The following DOK6 variants were observed in gnomAD, a reference collection of about 807,000 sequenced individuals.
The protein encoded by DOK6 is downstream of tyrosine kinase 6.
A neutral mutation model predicts 44.0 loss-of-function variants in DOK6; 22 were observed. The ratio of observed to expected loss-of-function variants is 0.50; its 90% CI spans 0.36 to 0.71. The LOEUF is 0.71. Ranked by LOEUF, DOK6 falls within the 30% of genes least tolerant of loss-of-function variation. The pLI, the probability that DOK6 is intolerant of heterozygous loss-of-function variation, is 0.00. For missense variants in DOK6, 340 were observed against 416.4 expected, an observed-to-expected ratio of 0.82 and a Z score of 1.60; for synonymous variants, 166 against 145.5, an observed-to-expected ratio of 1.14 and a Z score of -1.01.
At chr18:69,785,709 A>G (rs528818646) in intron 7 of DOK6, among the ~76,000 whole-genome samples, 5 of 152,114 alleles carry the variant, frequency 3.3e-5, no homozygotes, top group Non-Finnish European at 5.9e-5. Flanking sequence ...CTTTGTTGCC[A>G]TATTTCTGAT....
At chr18:69,534,751 T>C (rs1367534868) in intron 1 of DOK6, among the ~76,000 whole-genome samples, 1 of 152,156 alleles carries the variant, frequency 6.6e-6, no homozygotes, top group African/African-American at 2.4e-5. Context: ...AAACAACATA[T>C]TCTTAATTCC....
At chr18:69,421,164 G>C (rs1055881986) in intron 1 of DOK6, among the ~76,000 whole-genome samples, 1 of 152,140 alleles carries the variant, frequency 6.6e-6, no homozygotes, top group African/African-American at 2.4e-5. Context: ...GCAGCAGTAT[G>C]ATTCTGAAAT....
chr18:69,734,896 C>T (rs192668665), intron 5 of DOK6, among the ~76,000 whole-genome samples: 11 of 152,182 alleles, frequency 7.2e-5, no homozygotes, highest in African/African-American at 9.6e-5. Context: ...TTCAAAGTCA[C>T]GCCTTCATAG....
chr18:69,845,945 T>C lies in DOK6; in HGVS notation c.*4562T>C, dbSNP rs1982336137. On this transcript the variant is annotated 3_prime_UTR_variant, in exon 8 of 8. Coordinates refer to ENST00000382713, the MANE Select transcript of DOK6 (RefSeq NM_152721.6). ...AGCCAACCTCATTTGAATTTTATCA[T>C]GAACATAAATTATCGGTGAGACTGG... The C allele has an allele frequency of 6.6e-6, 1 of 152,216 alleles. No homozygotes were observed. The highest frequency in any genetic ancestry group is 6.5e-5 in the Admixed American group (1 of 15,280). 9.4% of individuals were successfully genotyped at this position (152,216 alleles called of 1,614,324 possible).
chr18:69,754,075 T>C (rs1268345069), intron 6 of DOK6, among the ~76,000 whole-genome samples: 1 of 152,218 alleles, frequency 6.6e-6, no homozygotes, highest in Non-Finnish European at 1.5e-5. Flanking sequence ...GCTTTTTCAA[T>C]GAAGGCATTA....
chr18:69,509,951 A>AT (rs972653353), intron 1 of DOK6, among the ~76,000 whole-genome samples: 10 of 152,122 alleles, frequency 6.6e-5, no homozygotes, highest in African/African-American at 2.4e-4. Context: ...TGACAGCTGC[A>AT]TTTTTTTGCT....
At chr18:69,617,562 A>G (rs1356910389) in intron 3 of DOK6, among the ~76,000 whole-genome samples, 1 of 123,944 alleles carries the variant, frequency 8.1e-6, no homozygotes, top group African/African-American at 2.8e-5. Flanking sequence ...ACTGAGTGAT[A>G]GGAGAAAAAG....
intron 6 of DOK6, among the ~76,000 whole-genome samples, chr18:69,751,451 T>G (rs1490997571): frequency 1.3e-5 from 2 of 152,180 alleles, no homozygotes; most frequent in African/African-American, 4.8e-5. Context: ...CATTTGAAAT[T>G]AACACTTTCA....
chr18:69,699,693 T>C (rs1185023405), intron 5 of DOK6, among the ~76,000 whole-genome samples: 1 of 152,134 alleles, frequency 6.6e-6, no homozygotes, highest in Non-Finnish European at 1.5e-5. Context: ...AAATACAAAT[T>C]CTAATAAGAA....
intron 3 of DOK6, among the ~76,000 whole-genome samples, chr18:69,665,774 T>C (rs1306367130): frequency 4.6e-5 from 7 of 152,146 alleles, no homozygotes; most frequent in Admixed American, 3.3e-4. Flanking sequence ...CTTGGTTCCA[T>C]GGGCCAGTAG....
intron 1 of DOK6, among the ~76,000 whole-genome samples, chr18:69,437,528 GGTACCA>G (rs1288199809): frequency 2.6e-5 from 4 of 151,926 alleles, no homozygotes; most frequent in Admixed American, 1.3e-4. Context: ...TATCTGTTTT[GGTACCA>G]GTACCAGTAC....
chr18:69,454,774 T>C (rs1438149447), intron 1 of DOK6, among the ~76,000 whole-genome samples: 1 of 142,100 alleles, frequency 7.0e-6, no homozygotes, highest in Non-Finnish European at 1.5e-5. Context: ...ATGGATGAAA[T>C]TGGAAATCAT....
intron 3 of DOK6, among the ~76,000 whole-genome samples, chr18:69,655,478 C>T (rs563699532): frequency 8.5e-5 from 13 of 152,050 alleles, no homozygotes; most frequent in Admixed American, 5.2e-4. Context: ...AAAGGTTGGG[C>T]GCGGTGGCTC....
At chr18:69,525,542 A>G (rs1227616155) in intron 1 of DOK6, among the ~76,000 whole-genome samples, 1 of 152,050 alleles carries the variant, frequency 6.6e-6, no homozygotes, top group African/African-American at 2.4e-5. Flanking sequence ...CTTAAATCCA[A>G]CATCTCCTTT....
intron 1 of DOK6, among the ~76,000 whole-genome samples, chr18:69,515,509 T>A (rs557573881): frequency 6.6e-6 from 1 of 152,288 alleles, no homozygotes; most frequent in East Asian, 1.9e-4. Context: ...GTGTACTGAA[T>A]AAATGAGGGA....
At chr18:69,544,286 G>C (rs1304687089) in intron 1 of DOK6, among the ~76,000 whole-genome samples, 1 of 151,234 alleles carries the variant, frequency 6.6e-6, no homozygotes, top group Non-Finnish European at 1.5e-5. Flanking sequence ...AAAAAAACTT[G>C]TCCAGAAACT....
At chr18:69,603,169 T>G (rs984092600) in intron 3 of DOK6, among the ~76,000 whole-genome samples, 1 of 152,200 alleles carries the variant, frequency 6.6e-6, no homozygotes, top group Non-Finnish European at 1.5e-5. Flanking sequence ...GAATACTGTT[T>G]TATTGCTAAC....
At chr18:69,615,827 G>T (rs940416036) in intron 3 of DOK6, among the ~76,000 whole-genome samples, 5 of 152,140 alleles carry the variant, frequency 3.3e-5, no homozygotes, top group Non-Finnish European at 5.9e-5. Flanking sequence ...CGTGCATGGG[G>T]TATCAGAGAA....
In DOK6 at chr18:69,593,378, G is replaced by GA. The variant is rs200705446; in HGVS notation, c.175-5994dup. 5.9e-3 allele frequency among the ~76,000 whole-genome samples: 775 copies of GA among 131,060 alleles called. 5 individuals carry two copies. The highest frequency in any genetic ancestry group is 0.018 in the African/African-American group (660 of 35,820). The allele number at this position is 131,060 out of a possible 152,430, so 86.0% of individuals were successfully genotyped here. On this transcript the variant is annotated intron_variant, in intron 2 of 7. Coordinates refer to ENST00000382713, the MANE Select transcript of DOK6 (RefSeq NM_152721.6). ...CAGAACAAGGCCCTGTCTCTTAAAA[G>GA]AAAAAAAAAAAAGAAAGAAAAAAGT...
Sources: allele counts gnomAD v4.1 joint callset (sites outside exome capture counted in the v4.1 genomes callset), GRCh38; gene constraint gnomAD v4.1.1; transcripts MANE v1.5; gene names NCBI Gene and HGNC (gene_info 2026-07-23, HGNC 2026-07-21).